Variants in SGPP2 observed in about 807,000 individuals in gnomAD.
SGPP2 encodes sphingosine-1-phosphate phosphatase 2, also known as sphingosine 1-phosphate phosphohydrolase 2.
Under a neutral mutation model 33.9 loss-of-function variants are expected in SGPP2, and 30 were observed. The ratio of observed to expected loss-of-function variants is 0.89; its 90% CI spans 0.66 to 1.20. The LOEUF (loss-of-function observed/expected upper bound fraction) is 1.20. SGPP2 is among the 50% of genes most tolerant of loss of function. The pLI is 0.00. For missense variants in SGPP2, 458 were observed against 532.1 expected, an observed-to-expected ratio of 0.86 and a Z score of 1.37; for synonymous variants, 233 against 225.0, an observed-to-expected ratio of 1.04 and a Z score of -0.32.
intron 4 of SGPP2, among the ~76,000 whole-genome samples, chr2:222,548,063 G>A (rs969052699): frequency 2.0e-5 from 3 of 152,216 alleles, no homozygotes; most frequent in Non-Finnish European, 2.9e-5. Flanking sequence ...GCAACAAACT[G>A]TAACCTTTGT....
intron 1 of SGPP2, chr2:222,453,141 G>T (rs1697518418): frequency 5.0e-6 from 4 of 801,794 alleles, no homozygotes; most frequent in Non-Finnish European, 9.1e-6. Flanking sequence ...GGAAGGAAGA[G>T]GAGAGACAGT....
intron 2 of SGPP2, among the ~76,000 whole-genome samples, chr2:222,493,853 A>C (rs1698235685): frequency 6.6e-6 from 1 of 152,170 alleles, no homozygotes; most frequent in South Asian, 2.1e-4. Context: ...CAACAGACCA[A>C]ACCAAAATGG....
At chr2:222,526,246 T>A (rs1369775337) in intron 4 of SGPP2, among the ~76,000 whole-genome samples, 1 of 152,220 alleles carries the variant, frequency 6.6e-6, no homozygotes, top group Non-Finnish European at 1.5e-5. Flanking sequence ...AGACAAGATT[T>A]GACCCTGTAT....
At chr2:222,437,969 C>T (rs1021029570) in intron 1 of SGPP2, among the ~76,000 whole-genome samples, 4 of 152,172 alleles carry the variant, frequency 2.6e-5, no homozygotes, top group African/African-American at 9.7e-5. Context: ...GGTCATATGG[C>T]CCAAGTGGCA....
intron 2 of SGPP2, among the ~76,000 whole-genome samples, chr2:222,515,183 G>T (rs1021942718): frequency 6.6e-6 from 1 of 152,000 alleles, no homozygotes; most frequent in Non-Finnish European, 1.5e-5. Context: ...GGTATCAAAG[G>T]GTGCCATCAG....
At chr2:222,441,432 C>T (rs1697323446) in intron 1 of SGPP2, among the ~76,000 whole-genome samples, 2 of 152,276 alleles carry the variant, frequency 1.3e-5, no homozygotes, top group South Asian at 4.1e-4. Flanking sequence ...CCATATACAT[C>T]TAGACATGGA....
rs765299622 is a variant in SGPP2 at position 222,497,250 on chromosome 2, C to CCT, written c.378+22524_378+22525insCT. On this transcript the variant is annotated intron_variant, in intron 2 of 4. Transcript: ENST00000321276. Reference sequence around the variant, plus strand: ...GAAAAGAGTGTCAGATCTCTTTCTTCTTTTTTTTTTTTTTTTTTTTTAGAC... The same window carrying CCT: ...GAAAAGAGTGTCAGATCTCTTTCTTCCTTTTTTTTTTTTTTTTTTTTTTAGAC... Among the ~76,000 whole-genome samples, 33 of 118,552 alleles carry CCT rather than the reference C, an allele frequency of 2.8e-4. No homozygotes were observed. The Admixed American group carries it at 3.1e-3, about 11-fold the overall frequency. The allele number at this position is 118,552 out of a possible 152,430, so 77.8% of individuals were successfully genotyped here. A position where few individuals can be genotyped will look rare whatever the true frequency, so the allele number is the denominator to read the frequency against.
Position 222,505,236 on chromosome 2 carries a change from A to G in SGPP2, c.379-16531A>G, listed in dbSNP as rs1429167121. 2.0e-5 allele frequency among the ~76,000 whole-genome samples: 3 copies of G among 152,190 alleles called. No homozygotes were observed. In the East Asian group the frequency reaches 5.8e-4, roughly 29 times the overall value. On this transcript the variant is annotated intron_variant, in intron 2 of 4. Transcript: ENST00000321276. The stretch of plus-strand genomic sequence containing the variant: ...ATTGCAAGAGCTGGGAGATGAAACA[A>G]CCATCATCTAAACTAGAGATAATCG...
chr2:222,521,928 T>C lies in SGPP2; in HGVS notation c.540T>C (p.Ser180=), dbSNP rs1273293248. ...CCATTGCCTTCACCCTCCTTATCTC[T>C]ACTATGGACAGATACCAGGTAAGGT... ...ATAIAFTLLI[S]TMDRYQYPFV... is the part of the protein sequence containing the mutation. Residue 180 remains serine (S), a synonymous_variant, in exon 3 of 5, where the codon TCT becomes TCC. Transcript: ENST00000321276. 4.5e-6 allele frequency: 7 copies of C among 1,557,272 alleles called. No homozygotes were observed. Among genetic ancestry groups the C allele is most frequent in the Non-Finnish European group, 6.1e-6 (7 of 1,153,210 alleles).
chr2:222,447,807 A>G (rs142226442), intron 1 of SGPP2, among the ~76,000 whole-genome samples: 4 of 152,362 alleles, frequency 2.6e-5, no homozygotes, highest in African/African-American at 7.2e-5. Context: ...AGTGGTGAGT[A>G]AAACAGGCAA....
At chr2:222,484,984 C>T (rs1484841331) in intron 2 of SGPP2, among the ~76,000 whole-genome samples, 1 of 152,200 alleles carries the variant, frequency 6.6e-6, no homozygotes, top group African/African-American at 2.4e-5. Flanking sequence ...GGAAGCTGTT[C>T]ACTGCCCCTC....
intron 4 of SGPP2, among the ~76,000 whole-genome samples, chr2:222,535,777 G>A (rs1698905731): frequency 6.6e-6 from 1 of 152,248 alleles, no homozygotes; most frequent in East Asian, 1.9e-4. Context: ...ACTGGGAGGG[G>A]AAGTGGGGAC....
chr2:222,453,115 T>G (rs1018523452), intron 1 of SGPP2: 12 of 775,446 alleles, frequency 1.5e-5, no homozygotes, highest in Non-Finnish European at 2.6e-5. Flanking sequence ...ATCAGGACTA[T>G]CCTCAGATCC....
At chr2:222,552,582 C>G (rs770514446) in intron 4 of SGPP2, among the ~76,000 whole-genome samples, 1 of 152,120 alleles carries the variant, frequency 6.6e-6, no homozygotes. Context: ...TTACTCAAGC[C>G]GGGTTTAGTG....
At chr2:222,490,031 C>T (rs1285593410) in intron 2 of SGPP2, among the ~76,000 whole-genome samples, 2 of 152,036 alleles carry the variant, frequency 1.3e-5, no homozygotes, top group Admixed American at 6.6e-5. Flanking sequence ...AACCAGGTGC[C>T]TGTCTTTGTT....
At chr2:222,484,670 A>G (rs1410327999) in intron 2 of SGPP2, among the ~76,000 whole-genome samples, 1 of 152,110 alleles carries the variant, frequency 6.6e-6, no homozygotes, top group Admixed American at 6.6e-5. Context: ...GCATCCTGAT[A>G]TGGCAGAGGG....
intron 4 of SGPP2, among the ~76,000 whole-genome samples, chr2:222,527,015 C>T (rs1045951195): frequency 1.3e-5 from 2 of 152,010 alleles, no homozygotes; most frequent in African/African-American, 2.4e-5. Flanking sequence ...CTCGAGAACT[C>T]GGGTTAAAGT....
intron 1 of SGPP2, chr2:222,452,466 A>G: frequency 3.6e-6 from 3 of 822,640 alleles, no homozygotes; most frequent in South Asian, 1.3e-5. Flanking sequence ...GTGGAGTACT[A>G]AAATACCTAG....
At chr2:222,534,486 G>T (rs1418635707) in intron 4 of SGPP2, among the ~76,000 whole-genome samples, 1 of 151,500 alleles carries the variant, frequency 6.6e-6, no homozygotes, top group Admixed American at 6.6e-5. Context: ...TTTTAGTTTT[G>T]GTTGGAGTCA....
Sources: allele counts gnomAD v4.1 joint callset (sites outside exome capture counted in the v4.1 genomes callset), GRCh38; gene constraint gnomAD v4.1.1; transcripts MANE v1.5; gene names NCBI Gene and HGNC (gene_info 2026-07-23, HGNC 2026-07-21).